The following SLC41A2 variants were observed in gnomAD, a reference collection of about 807,000 sequenced individuals.
The protein encoded by SLC41A2 is SLC41A1-like 1.
Under a neutral mutation model 58.3 loss-of-function variants are expected in SLC41A2, and 32 were observed. The observed-to-expected ratio is 0.55, with a 90% CI of 0.41 to 0.74. The LOEUF (loss-of-function observed/expected upper bound fraction) is 0.74, where lower values mean the gene tolerates loss of function less well. Among genes scored for constraint, SLC41A2 ranks in the 30% least tolerant of loss-of-function variants. The pLI is 0.00. For synonymous variants in SLC41A2, 190 were observed against 235.0 expected (o/e 0.81, Z 1.75); for missense variants, 514 against 680.6 (o/e 0.76, Z 2.72).
intron 10 of SLC41A2, among the ~76,000 whole-genome samples, chr12:104,834,376 TG>T (rs1463750496): frequency 1.3e-5 from 2 of 152,192 alleles, no homozygotes; most frequent in Non-Finnish European, 2.9e-5. Context: ...TTAAAGGAGC[TG>T]TTTTTACAGC....
chr12:104,919,888 T>C (rs1446217337), intron 2 of SLC41A2, among the ~76,000 whole-genome samples: 3 of 152,248 alleles, frequency 2.0e-5, no homozygotes, highest in African/African-American at 2.4e-5. Flanking sequence ...GTAAGAACTC[T>C]GCTTAGTCTG....
intron 10 of SLC41A2, among the ~76,000 whole-genome samples, chr12:104,838,691 G>T (rs1447757110): frequency 6.6e-6 from 1 of 152,150 alleles, no homozygotes; most frequent in Non-Finnish European, 1.5e-5. Flanking sequence ...AAGAGTGAAA[G>T]TTAGGCATAG....
At chr12:104,894,923 T>A (rs1473137779) in intron 4 of SLC41A2, among the ~76,000 whole-genome samples, 1 of 152,152 alleles carries the variant, frequency 6.6e-6, no homozygotes, top group African/African-American at 2.4e-5. Flanking sequence ...TATCTTTAAA[T>A]ATCAAAGTAA....
chr12:104,886,542 G>A, intron 5 of SLC41A2, 103 bp from the exon 6 acceptor site: 2 of 1,214,686 alleles, frequency 1.6e-6, no homozygotes, highest in Admixed American at 4.3e-5. Flanking sequence ...ATCAATTCCA[G>A]TTAGACTGCT....
rs11112234 is a variant in SLC41A2 at position 104,910,000 on chromosome 12, C to T, written c.556-238G>A. ...GGTCAGCTGATATGTTGCTACAACC[C>T]ATTCTACATCTACTTGTTACACAAC... is the stretch of plus-strand genomic sequence containing the variant. On this transcript the variant is annotated intron_variant, in intron 2 of 10. Coordinates refer to ENST00000258538, the MANE Select transcript of SLC41A2 (RefSeq NM_001352171.3). Among the ~76,000 whole-genome samples the T allele has an allele frequency of 0.5, 76,661 of 151,806 alleles. 19,727 individuals carry two copies. Among genetic ancestry groups the T allele is most frequent in the Middle Eastern group, 0.56 (166 of 294 alleles).
intron 10 of SLC41A2, among the ~76,000 whole-genome samples, chr12:104,809,380 T>G (rs1566090869): frequency 7.4e-6 from 1 of 134,326 alleles, no homozygotes; most frequent in Non-Finnish European, 1.7e-5. Context: ...CTCTAACACC[T>G]TTACCAGGAA....
At chr12:104,816,267 A>G (rs1051312655) in intron 10 of SLC41A2, among the ~76,000 whole-genome samples, 5 of 152,180 alleles carry the variant, frequency 3.3e-5, no homozygotes, top group African/African-American at 1.2e-4. Flanking sequence ...CCAAGATGAA[A>G]CTTCCATTTT....
chr12:104,948,044 A>C (rs899211822), intron 1 of SLC41A2, among the ~76,000 whole-genome samples: 1 of 152,172 alleles, frequency 6.6e-6, no homozygotes, highest in African/African-American at 2.4e-5. Context: ...CTTTTCTCGG[A>C]AATAATTAAA....
intron 1 of SLC41A2, among the ~76,000 whole-genome samples, chr12:104,956,543 G>A (rs2048175716): frequency 6.6e-6 from 1 of 152,178 alleles, no homozygotes; most frequent in Non-Finnish European, 1.5e-5. Context: ...GCCGGGCATA[G>A]TGGTGTGTGC....
intron 10 of SLC41A2, among the ~76,000 whole-genome samples, chr12:104,816,995 T>C (rs1399777236): frequency 3.3e-5 from 5 of 152,194 alleles, no homozygotes; most frequent in Non-Finnish European, 5.9e-5. Context: ...GAGAAATGCA[T>C]CGTTAGGCAA....
chr12:104,845,883 G>A lies in SLC41A2; in HGVS notation c.1347C>T (p.Pro449=), dbSNP rs2042584183. Reference sequence around the variant, plus strand: ...TTCTAAATGGGTAGTAACAACCTTTGGGTTCATCAGGCAATTCTCCTGGAA... The same window carrying A: ...TTCTAAATGGGTAGTAACAACCTTTAGGTTCATCAGGCAATTCTCCTGGAA... ...HSIPGELPDE[P]KGCYYPFRTF... is the part of the protein sequence containing the mutation. The change falls in exon 9 of 11, where the codon CCC becomes CCT. Residue 449 remains proline (P), a synonymous_variant. Coordinates refer to ENST00000258538, the MANE Select transcript of SLC41A2 (RefSeq NM_001352171.3). 6.2e-7 allele frequency: 1 copy of A among 1,613,824 alleles called. No homozygotes were observed. Among genetic ancestry groups the A allele is most frequent in the Non-Finnish European group, 8.5e-7 (1 of 1,179,840 alleles).
At chr12:104,811,100 G>A (rs2041154405) in intron 10 of SLC41A2, among the ~76,000 whole-genome samples, 1 of 152,106 alleles carries the variant, frequency 6.6e-6, no homozygotes. Context: ...ATGGCCAAAG[G>A]ATACTAGCTC....
intron 6 of SLC41A2, among the ~76,000 whole-genome samples, chr12:104,885,753 T>C (rs936975181): frequency 6.6e-6 from 1 of 152,172 alleles, no homozygotes; most frequent in Non-Finnish European, 1.5e-5. Flanking sequence ...GCTCCAACTT[T>C]ATACAGCATT....
At chr12:104,823,765 T>G (rs926973884) in intron 10 of SLC41A2, among the ~76,000 whole-genome samples, 7 of 152,244 alleles carry the variant, frequency 4.6e-5, no homozygotes, top group African/African-American at 1.7e-4. Flanking sequence ...TAAACTGAAC[T>G]TCATTCAAAT....
chr12:104,887,595 A>C (rs1372451850), intron 5 of SLC41A2, among the ~76,000 whole-genome samples: 1 of 152,016 alleles, frequency 6.6e-6, no homozygotes, highest in Non-Finnish European at 1.5e-5. Context: ...ATTATGCAAT[A>C]ATCAGGCAAG....
intron 8 of SLC41A2, among the ~76,000 whole-genome samples, chr12:104,846,954 T>C (rs1331003572): frequency 6.6e-6 from 1 of 152,160 alleles, no homozygotes; most frequent in African/African-American, 2.4e-5. Flanking sequence ...GTATGTATAA[T>C]GTCCATCATT....
rs1382806047 is a variant in SLC41A2 at position 104,928,081 on chromosome 12, T to G, written c.447A>C (p.Pro149=). ...GDEDAIVEVT[P]KLPKESSGIM... ...TGCCACTGGATTCCTTTGGTAATTT[T>G]GGGGTCACTTCTACAATAGCATCTT... Residue 149 remains proline (P), a synonymous_variant, in exon 2 of 11, where the codon CCA becomes CCC. Transcript: ENST00000258538. 4 of 1,614,108 alleles carry G rather than the reference T, an allele frequency of 2.5e-6. No homozygotes were observed. Among genetic ancestry groups the G allele is most frequent in the Admixed American group, 1.7e-5 (1 of 60,008 alleles).
At chr12:104,920,728 T>G (rs1159918771) in intron 2 of SLC41A2, among the ~76,000 whole-genome samples, 5 of 151,738 alleles carry the variant, frequency 3.3e-5, no homozygotes, top group Non-Finnish European at 4.4e-5. Context: ...ATCGAGACCA[T>G]CCTGGCTAAC....
At chr12:104,885,784 T>TC (rs1317932324) in intron 6 of SLC41A2, among the ~76,000 whole-genome samples, 1 of 151,502 alleles carries the variant, frequency 6.6e-6, no homozygotes, top group Non-Finnish European at 1.5e-5. Flanking sequence ...TTTGTGGTGA[T>TC]TTTTTTTTCC....
Sources: gnomAD v4.1 joint callset for allele counts (sites outside exome capture counted in the v4.1 genomes callset) on GRCh38, gnomAD v4.1.1 for gene constraint, MANE v1.5 for transcripts, NCBI Gene and HGNC (gene_info 2026-07-23, HGNC 2026-07-21) for gene names.